The following ZSWIM6 variants were observed in gnomAD, a reference collection of about 807,000 sequenced individuals.
ZSWIM6 encodes the protein zinc finger SWIM-type containing 6.
ZSWIM6 carries 9 observed loss-of-function variants against 113.2 expected under a neutral mutation model. The ratio of observed to expected loss-of-function variants is 0.08; its 90% CI spans 0.05 to 0.14. The LOEUF (loss-of-function observed/expected upper bound fraction) is 0.14, where lower values mean the gene tolerates loss of function less well. Ranked by LOEUF, ZSWIM6 falls within the 10% of genes least tolerant of loss-of-function variation. ZSWIM6 has a pLI of 1.00. For missense variants in ZSWIM6, 1,162 were observed against 1,552.2 expected, an observed-to-expected ratio of 0.75 and a Z score of 4.22; for synonymous variants, 611 against 606.5, an observed-to-expected ratio of 1.01 and a Z score of -0.11.
intron 1 of ZSWIM6, among the ~76,000 whole-genome samples, chr5:61,414,718 C>T (rs1482462068): frequency 1.3e-5 from 2 of 152,168 alleles, no homozygotes; most frequent in Admixed American, 1.3e-4. Context: ...GAGAACTCTG[C>T]TGTGCTCATT....
chr5:61,346,593 C>CA (rs1744663700), intron 1 of ZSWIM6, among the ~76,000 whole-genome samples: 1 of 152,158 alleles, frequency 6.6e-6, no homozygotes, highest in African/African-American at 2.4e-5. Context: ...TTAGGTGAGT[C>CA]ATGTAAATTG....
chr5:61,496,561 T>A (rs1293561040), intron 4 of ZSWIM6, among the ~76,000 whole-genome samples: 2 of 152,154 alleles, frequency 1.3e-5, no homozygotes. Context: ...TGCCAGACAT[T>A]GAGAAGAGGC....
At chr5:61,462,899 T>C (rs1665499650) in intron 1 of ZSWIM6, among the ~76,000 whole-genome samples, 1 of 152,230 alleles carries the variant, frequency 6.6e-6, no homozygotes, top group Admixed American at 6.5e-5. Context: ...GCTAATTCTC[T>C]TTCCAGTCCT....
At position 61,454,214 on chromosome 5, in the gene ZSWIM6, AATTTTATTTTATTTTATTTTATTTT is replaced by A. The variant is rs140502029; in HGVS notation, c.677-18431_677-18407del. ...TCTTTCAGATTGGGAGAGTTCCCTA[AATTTTATTTTATTTTATTTTATTTT>A]ATTTTATTTTATTTTATTTTATTTT... On this transcript the variant is annotated intron_variant, in intron 1 of 13. Coordinates refer to ENST00000252744, the MANE Select transcript of ZSWIM6 (RefSeq NM_020928.2). Among the ~76,000 whole-genome samples, 83 of 128,500 alleles carry A rather than the reference AATTTTATTTTATTTTATTTTATTTT, an allele frequency of 6.5e-4. 1 individual carries two copies. Among genetic ancestry groups the A allele is most frequent in the African/African-American group, 2.0e-3 (67 of 33,624 alleles). The allele number at this position is 128,500 out of a possible 152,430, so 84.3% of individuals were successfully genotyped here.
chr5:61,456,910 TTA>T (rs1491532302), intron 1 of ZSWIM6, among the ~76,000 whole-genome samples: 1 of 149,790 alleles, frequency 6.7e-6, no homozygotes, highest in South Asian at 2.1e-4. Context: ...TTTCTTTTTT[TTA>T]TTATTATTAT....
chr5:61,362,214 T>C (rs78645043), intron 1 of ZSWIM6, among the ~76,000 whole-genome samples: 35 of 152,106 alleles, frequency 2.3e-4, no homozygotes, highest in African/African-American at 4.8e-4. Context: ...TTTTTTTTTT[T>C]CTGAGACAGT....
intron 2 of ZSWIM6, 32 bp downstream of exon 2, chr5:61,473,069 T>C (rs1385291973): frequency 7.7e-7 from 1 of 1,301,852 alleles, no homozygotes; most frequent in Non-Finnish European, 1.0e-6. Flanking sequence ...TTAAATTTCC[T>C]CTCTGGATCC....
At chr5:61,537,918 G>T (rs1749622536) in intron 10 of ZSWIM6, among the ~76,000 whole-genome samples, 1 of 152,278 alleles carries the variant, frequency 6.6e-6, no homozygotes, top group East Asian at 1.9e-4. Context: ...TTTGCTTTTA[G>T]AAATTTTTTC....
intron 2 of ZSWIM6, among the ~76,000 whole-genome samples, chr5:61,475,645 T>C (rs1416461386): frequency 6.6e-6 from 1 of 152,174 alleles, no homozygotes; most frequent in Non-Finnish European, 1.5e-5. Flanking sequence ...ACCAATTACA[T>C]GAGCTGCCTT....
intron 1 of ZSWIM6, among the ~76,000 whole-genome samples, chr5:61,401,154 C>T (rs1175094298): frequency 3.9e-5 from 6 of 152,050 alleles, no homozygotes; most frequent in Non-Finnish European, 2.9e-5. Context: ...GCCACCAAGC[C>T]CTCACCCATC....
intron 1 of ZSWIM6, among the ~76,000 whole-genome samples, chr5:61,446,930 A>G (rs1164778188): frequency 1.3e-5 from 2 of 152,338 alleles, no homozygotes; most frequent in East Asian, 1.9e-4. Flanking sequence ...TCACTGGTCT[A>G]CACACATGTT....
At chr5:61,412,982 C>G (rs1746175141) in intron 1 of ZSWIM6, among the ~76,000 whole-genome samples, 1 of 150,302 alleles carries the variant, frequency 6.7e-6, no homozygotes, top group Admixed American at 6.6e-5. Context: ...TTTTTTATTT[C>G]ACTATTGTTT....
Position 61,422,829 on chromosome 5 carries a change from A to C in ZSWIM6, c.677-49852A>C, listed in dbSNP as rs566179615. On this transcript the variant is annotated intron_variant, in intron 1 of 13. Transcript: ENST00000252744. Reference sequence around the variant, plus strand: ...ATTTTATTTGTAGCTATTGTAAATAAGATTACTTTCTTGATTTTTCAGATT... The same window carrying C: ...ATTTTATTTGTAGCTATTGTAAATACGATTACTTTCTTGATTTTTCAGATT... Among the ~76,000 whole-genome samples the C allele has an allele frequency of 2.0e-5, 3 of 152,008 alleles. No homozygotes were observed. In the South Asian group the frequency reaches 6.2e-4, roughly 31 times the overall value.
At chr5:61,408,986 C>T (rs13178686) in intron 1 of ZSWIM6, among the ~76,000 whole-genome samples, 1 of 150,386 alleles carries the variant, frequency 6.6e-6, no homozygotes, top group African/African-American at 2.4e-5. Context: ...GACCCGACCG[C>T]GCAGAGGCGG....
chr5:61,454,027 A>G (rs1022674389), intron 1 of ZSWIM6, among the ~76,000 whole-genome samples: 1 of 152,006 alleles, frequency 6.6e-6, no homozygotes, highest in Non-Finnish European at 1.5e-5. Flanking sequence ...ATTAATTGAA[A>G]TTCTTCTGTA....
At chr5:61,444,517 C>A (rs1318774260) in intron 1 of ZSWIM6, among the ~76,000 whole-genome samples, 1 of 152,076 alleles carries the variant, frequency 6.6e-6, no homozygotes, top group Admixed American at 6.6e-5. Flanking sequence ...CCTGAGAAAT[C>A]GCCACACTGA....
intron 1 of ZSWIM6, among the ~76,000 whole-genome samples, chr5:61,436,115 T>G (rs532042249): frequency 2.6e-5 from 4 of 151,638 alleles, no homozygotes; most frequent in African/African-American, 9.7e-5. Flanking sequence ...GCAGGAGAAT[T>G]GCTTGAACCC....
Position 61,333,816 on chromosome 5 carries a change from C to T in ZSWIM6, c.676+868C>T, listed in dbSNP as rs913657959. Among the ~76,000 whole-genome samples, 10 of 151,996 alleles carry T rather than the reference C, an allele frequency of 6.6e-5. No homozygotes were observed. In the East Asian group the frequency reaches 1.4e-3, roughly 21 times the overall value. On this transcript the variant is annotated intron_variant, in intron 1 of 13. Coordinates refer to ENST00000252744, the MANE Select transcript of ZSWIM6 (RefSeq NM_020928.2). ...CGGCGCAGCCCTTGTGCCCCGCCGC[C>T]CGAGTTTTGTTTGCGCTGTGTGGTC...
chr5:61,333,024 C>T (rs1350369750), intron 1 of ZSWIM6, 76 bp downstream of exon 1: 4 of 1,096,444 alleles, frequency 3.6e-6, no homozygotes, highest in East Asian at 1.1e-4. Context: ...CGCCTTTCTC[C>T]TGCGGACAGC....
Sources: allele counts gnomAD v4.1 joint callset (sites outside exome capture counted in the v4.1 genomes callset), GRCh38; gene constraint gnomAD v4.1.1; transcripts MANE v1.5; gene names NCBI Gene and HGNC (gene_info 2026-07-23, HGNC 2026-07-21).